CBLIF: variants seen among roughly 807,000 people sequenced by gnomAD.
CBLIF encodes the protein gastric intrinsic factor (vitamin B synthesis).
In CBLIF, 24 loss-of-function variants were observed where a neutral mutation model predicts 44.9. That is an observed-to-expected ratio of 0.53 (90% confidence interval 0.39 to 0.75). The LOEUF is 0.75. Ranked by LOEUF, CBLIF falls within the 30% of genes least tolerant of loss-of-function variation. The probability of loss-of-function intolerance (pLI) is 0.00; values close to 1 mark genes in which losing one functional copy is unlikely to be tolerated. For missense variants in CBLIF, 481 were observed against 513.0 expected, an observed-to-expected ratio of 0.94 and a Z score of 0.60; for synonymous variants, 183 against 190.9, an observed-to-expected ratio of 0.96 and a Z score of 0.34.
At chr11:59,832,893 A>G (rs139584010) in intron 7 of CBLIF, among the ~76,000 whole-genome samples, 1 of 152,344 alleles carries the variant, frequency 6.6e-6, no homozygotes, top group Non-Finnish European at 1.5e-5. Flanking sequence ...AATATTTGTC[A>G]ATAATTTTCA....
At chr11:59,833,477 A>G (rs1866400362) in intron 7 of CBLIF, among the ~76,000 whole-genome samples, 1 of 151,816 alleles carries the variant, frequency 6.6e-6, no homozygotes, top group Non-Finnish European at 1.5e-5. Context: ...AGATCGCGCC[A>G]TTGCATTCCA....
intron 1 of CBLIF, among the ~76,000 whole-genome samples, chr11:59,844,813 A>G (rs1866585312): frequency 6.6e-6 from 1 of 152,094 alleles, no homozygotes; most frequent in Non-Finnish European, 1.5e-5. Flanking sequence ...ACCATCAACC[A>G]TTATTCCTGC....
intron 3 of CBLIF, 123 bp from the exon 4 acceptor site, chr11:59,842,706 A>G: frequency 1.1e-6 from 1 of 921,172 alleles, no homozygotes; most frequent in Non-Finnish European, 1.8e-6. Context: ...AAAGAGAGAC[A>G]CAGCATAGGC....
intron 6 of CBLIF, 117 bp from the exon 7 acceptor site, chr11:59,836,126 A>C: frequency 2.4e-6 from 2 of 825,064 alleles, no homozygotes; most frequent in Non-Finnish European, 4.2e-6. Flanking sequence ...AGTGAGTTTC[A>C]TACCATTTAA....
intron 7 of CBLIF, 32 bp from the exon 8 acceptor site, chr11:59,831,828 C>T: frequency 3.1e-6 from 3 of 965,294 alleles, no homozygotes; most frequent in Non-Finnish European, 5.1e-6. Context: ...ATTAACATCT[C>T]ACTTTAGGTC....
intron 8 of CBLIF, among the ~76,000 whole-genome samples, chr11:59,831,261 A>AT (rs983588815): frequency 8.5e-5 from 13 of 152,102 alleles, no homozygotes; most frequent in African/African-American, 2.9e-4. Context: ...CTCTCTGGAG[A>AT]TTTTTTTAAG....
In CBLIF at chr11:59,843,069, A is replaced by G. The variant is rs1194656667; in HGVS notation, c.329T>C (p.Val110Ala). 1.4e-5 allele frequency: 23 copies of G among 1,613,458 alleles called. No individual in the cohort carries two copies. The highest frequency in any genetic ancestry group is 1.7e-5 in the Admixed American group (1 of 60,010). The stretch of plus-strand genomic sequence containing the variant: ...CTCCATTTGTCTTTGTAGAATGGAT[A>G]CTTTATCCCCAGGGTCTCGGCAGGA... ...TSSCRDPGDK[V>A]SILQRQMENW... Residue 110 changes from valine (V) to alanine (A), a missense_variant, in exon 3 of 9, where the codon GTA becomes GCA. Transcript: ENST00000257248.
At chr11:59,835,762 C>T (rs1374018200) in intron 7 of CBLIF, 46 bp downstream of exon 7, 1 of 1,425,494 alleles carries the variant, frequency 7.0e-7, no homozygotes, top group South Asian at 1.1e-5. Context: ...AATGGGAATT[C>T]AGATCAGGCC....
chr11:59,845,492 C>G lies in CBLIF; in HGVS notation c.-39G>C. ...CTATGTCTCTCATCCACAGGTACCG[C>G]GATTTGCAAGTGGAATATTTCTTTA... is the stretch of plus-strand genomic sequence containing the variant. On this transcript the variant is annotated 5_prime_UTR_variant, in exon 1 of 9. Coordinates refer to ENST00000257248, the MANE Select transcript of CBLIF (RefSeq NM_005142.3). 7.7e-7 allele frequency: 1 copy of G among 1,302,002 alleles called. No homozygotes were observed. The highest frequency in any genetic ancestry group is 1.4e-5 in the African/African-American group (1 of 69,026). The allele number at this position is 1,302,002 out of a possible 1,614,324, so 80.7% of individuals were successfully genotyped here.
chr11:59,834,856 C>G lies in CBLIF; in HGVS notation c.1073+952G>C, dbSNP rs147293975. On this transcript the variant is annotated intron_variant, in intron 7 of 8. Coordinates refer to ENST00000257248, the MANE Select transcript of CBLIF (RefSeq NM_005142.3). The stretch of plus-strand genomic sequence containing the variant: ...CCTCTATGTCCCATCACTCACAGAG[C>G]CTTGGTGTGGGTCCGTGTATCCCAG... Among the ~76,000 whole-genome samples the G allele has an allele frequency of 1.4e-3, 215 of 152,284 alleles. 2 individuals carry two copies. Among genetic ancestry groups the G allele is most frequent in the African/African-American group, 4.9e-3 (204 of 41,558 alleles).
In CBLIF at chr11:59,835,918, C is replaced by A; in HGVS notation, c.963G>T (p.Gln321His). Residue 321 changes from glutamine (Q) to histidine (H), a missense_variant, in exon 7 of 9, where the codon CAG becomes CAT. Transcript: ENST00000257248. ...TGAAGAGCAGCTCAACCCCCCTCAG[C>A]TGGTTATTTATGGTGTATATGACAG... is the stretch of plus-strand genomic sequence containing the variant. ...NITVIYTINN[Q>H]LRGVELLFNE... 6.2e-7 allele frequency: 1 copy of A among 1,613,948 alleles called. No individual in the cohort carries two copies. The highest frequency in any genetic ancestry group is 8.5e-7 in the Non-Finnish European group (1 of 1,179,882).
chr11:59,841,170 G>A lies in CBLIF; in HGVS notation c.666C>T (p.Asp222=), dbSNP rs758066220. The A allele has an allele frequency of 1.2e-6, 2 of 1,613,684 alleles. No homozygotes were observed. Among genetic ancestry groups the A allele is most frequent in the South Asian group, 2.2e-5 (2 of 91,084 alleles). Residue 222 remains aspartate, a synonymous_variant, in exon 5 of 9, where the codon GAC becomes GAT. Coordinates refer to ENST00000257248, the MANE Select transcript of CBLIF (RefSeq NM_005142.3). ...MKIKDNGIIG[D]IYSTGLAMQA... is the part of the protein sequence containing the mutation. ...GCATGGCGAGGCCAGTACTGTAGATGTCTCCAATGATGCCATTATCTTTGA... is the reference window on the plus strand; with the variant it reads ...GCATGGCGAGGCCAGTACTGTAGATATCTCCAATGATGCCATTATCTTTGA...
In CBLIF at chr11:59,839,673, A is replaced by G. The variant is rs148642203; in HGVS notation, c.693+1470T>C. 4.5e-3 allele frequency among the ~76,000 whole-genome samples: 678 copies of G among 152,256 alleles called. 7 individuals are homozygous for G. The highest frequency in any genetic ancestry group is 0.016 in the African/African-American group (650 of 41,530). On this transcript the variant is annotated intron_variant, in intron 5 of 8. Coordinates refer to ENST00000257248, the MANE Select transcript of CBLIF (RefSeq NM_005142.3). ...GAGGCAGTAAAAAGGGTAGGGAGAG[A>G]TTATGTATTCTGACAAGAAATCCAC...
chr11:59,835,655 A>C (rs910952740), intron 7 of CBLIF, 153 bp downstream of exon 7: 10 of 703,864 alleles, frequency 1.4e-5, no homozygotes, highest in Non-Finnish European at 2.6e-5. Context: ...TTTTCATGAG[A>C]GCCTTACCTA....
In CBLIF at chr11:59,843,036, G is replaced by T. The variant is rs767753709; in HGVS notation, c.362C>A (p.Ala121Glu). 1 of 1,581,224 alleles carries T rather than the reference G, an allele frequency of 6.3e-7. No homozygotes were observed. The highest frequency in any genetic ancestry group is 8.7e-7 in the Non-Finnish European group (1 of 1,150,094). The change falls in exon 3 of 9, where the codon GCA becomes GAA. Residue 121 changes from alanine to glutamate, a missense_variant. Coordinates refer to ENST00000257248, the MANE Select transcript of CBLIF (RefSeq NM_005142.3). Reference protein sequence around the residue: ...SILQRQMENWAPSSPNAEASA... With the variant: ...SILQRQMENWEPSSPNAEASA... ...TTCCAGTCAGGTCTTACTGGAAGGTGCCCAGTTCTCCATTTGTCTTTGTAG... is the reference window on the plus strand; with the variant it reads ...TTCCAGTCAGGTCTTACTGGAAGGTTCCCAGTTCTCCATTTGTCTTTGTAG...
chr11:59,831,541 T>C (rs1866374199), intron 8 of CBLIF, 137 bp downstream of exon 8: 2 of 586,982 alleles, frequency 3.4e-6, no homozygotes, highest in Non-Finnish European at 3.1e-6. Context: ...CAATCACTGT[T>C]TATAGAATTA....
At chr11:59,842,895 AC>A in intron 3 of CBLIF, 132 bp downstream of exon 3, 1 of 711,412 alleles carries the variant, frequency 1.4e-6, no homozygotes, top group Non-Finnish European at 2.6e-6. Context: ...TATCAGAAGG[AC>A]CAGAGTGAAG....
At chr11:59,837,540 A>G (rs1866471795) in intron 5 of CBLIF, among the ~76,000 whole-genome samples, 189 bp from the exon 6 acceptor site, 1 of 152,232 alleles carries the variant, frequency 6.6e-6, no homozygotes, top group Non-Finnish European at 1.5e-5. Flanking sequence ...CACTTAGCAC[A>G]GTGTCTGTCA....
At chr11:59,835,039 A>G (rs1197097639) in intron 7 of CBLIF, among the ~76,000 whole-genome samples, 1 of 152,146 alleles carries the variant, frequency 6.6e-6, no homozygotes, top group Non-Finnish European at 1.5e-5. Flanking sequence ...TGGTATTTCA[A>G]GACTTTTACA....
Sources: gnomAD v4.1 joint callset for allele counts (sites outside exome capture counted in the v4.1 genomes callset) on GRCh38, gnomAD v4.1.1 for gene constraint, MANE v1.5 for transcripts, NCBI Gene and HGNC (gene_info 2026-07-23, HGNC 2026-07-21) for gene names.